Variants in DYSF observed in about 807,000 individuals in gnomAD.
DYSF encodes dystrophy-associated fer-1-like 1.
Under a neutral mutation model 274.9 loss-of-function variants are expected in DYSF, and 212 were observed. The observed-to-expected ratio is 0.77, with a 90% CI of 0.69 to 0.86. The LOEUF (loss-of-function observed/expected upper bound fraction) is 0.86. Among genes scored for constraint, DYSF ranks in the 40% least tolerant of loss-of-function variants. DYSF has a pLI of 0.00. For synonymous variants in DYSF, 1,091 were observed against 1,078.7 expected (o/e 1.01, Z -0.22); for missense variants, 2,666 against 2,783.2 (o/e 0.96, Z 0.95).
chr2:71,577,317 AAC>A (rs946886404), intron 30 of DYSF, among the ~76,000 whole-genome samples: 17 of 150,668 alleles, frequency 1.1e-4, no homozygotes, highest in South Asian at 2.1e-4. Flanking sequence ...CACACACACC[AAC>A]ACAGTCTCTC....
intron 3 of DYSF, 134 bp from the exon 4 acceptor site, chr2:71,503,080 G>A (rs2085150522): frequency 1.2e-6 from 1 of 810,312 alleles, no homozygotes; most frequent in Non-Finnish European, 2.2e-6. Flanking sequence ...GTGCAGGAGA[G>A]CCCTCGTGGG....
intron 41 of DYSF, among the ~76,000 whole-genome samples, chr2:71,634,832 C>T (rs1227715765): frequency 6.6e-6 from 1 of 152,178 alleles, no homozygotes; most frequent in Admixed American, 6.5e-5. Context: ...CATTTAGAGA[C>T]CCACTGATTT....
intron 40 of DYSF, among the ~76,000 whole-genome samples, chr2:71,616,683 A>AT (rs1329922673): frequency 6.6e-6 from 1 of 152,046 alleles, no homozygotes; most frequent in East Asian, 1.9e-4. Context: ...CGATATATTC[A>AT]TTTTTTCAGA....
chr2:71,672,191 G>GGAGACAGAAACTGGCTCGGCCGAAGGCA (rs2095136784), intron 51 of DYSF, among the ~76,000 whole-genome samples: 1 of 151,282 alleles, frequency 6.6e-6, no homozygotes, highest in Non-Finnish European at 1.5e-5. Flanking sequence ...GGCCGAAGGC[G>GGAGACAGAAACTGGCTCGGCCGAAGGCA]GAGACAGAAA....
chr2:71,541,433 C>T (rs974192905), intron 17 of DYSF, among the ~76,000 whole-genome samples: 8 of 152,024 alleles, frequency 5.3e-5, no homozygotes, highest in African/African-American at 1.9e-4. Context: ...TTGTACAGAG[C>T]AAATTTTTAT....
At chr2:71,487,802 C>G (rs1487155291) in intron 3 of DYSF, among the ~76,000 whole-genome samples, 3 of 152,268 alleles carry the variant, frequency 2.0e-5, no homozygotes, top group East Asian at 3.9e-4. Flanking sequence ...AGCCACTGTG[C>G]CTGGTCTGAT....
At chr2:71,563,556 T>A (rs2091908814) in intron 23 of DYSF, among the ~76,000 whole-genome samples, 1 of 152,184 alleles carries the variant, frequency 6.6e-6, no homozygotes, top group Non-Finnish European at 1.5e-5. Flanking sequence ...CTTCAGGCCA[T>A]GGGAGTCCTG....
rs74377763 is a variant in DYSF at position 71,660,080 on chromosome 2, C to T, written c.4912-480C>T. ...AAGCCTTCCTGATGCTAGACTAACCCTGGGCACTCTGCAGCCCCAGCTGCT... is the reference window on the plus strand; with the variant it reads ...AAGCCTTCCTGATGCTAGACTAACCTTGGGCACTCTGCAGCCCCAGCTGCT... On this transcript the variant is annotated intron_variant, in intron 44 of 55. Coordinates refer to ENST00000410020, the MANE Select transcript of DYSF (RefSeq NM_001130987.2). 8.8e-3 allele frequency among the ~76,000 whole-genome samples: 1,348 copies of T among 152,324 alleles called. 66 individuals carry two copies. Among genetic ancestry groups the T allele is most frequent in the Admixed American group, 0.076 (1,169 of 15,308 alleles).
In DYSF at chr2:71,575,696, T is replaced by A. The variant is rs140332757; in HGVS notation, c.3402+1325T>A. 2.5e-3 allele frequency among the ~76,000 whole-genome samples: 380 copies of A among 152,212 alleles called. 5 individuals carry two copies. Among genetic ancestry groups the A allele is most frequent in the East Asian group, 0.016 (82 of 5,166 alleles). On this transcript the variant is annotated intron_variant, in intron 30 of 55. Coordinates refer to ENST00000410020, the MANE Select transcript of DYSF (RefSeq NM_001130987.2). ...GGCAGGCCTCAGAGTCAGGGCCAGG[T>A]CTGAGAAGGCCAGGAAAGCACCCTG... is the stretch of plus-strand genomic sequence containing the variant.
rs182208682 is a variant in DYSF at position 71,652,293 on chromosome 2, A to G, written c.4627-3869A>G. On this transcript the variant is annotated intron_variant, in intron 42 of 55. Coordinates refer to ENST00000410020, the MANE Select transcript of DYSF (RefSeq NM_001130987.2). ...ATATCTTCTAACCATTTCAATGTCAACAAAAAGAAACGGGTCGTTCATTTT... is the reference window on the plus strand; with the variant it reads ...ATATCTTCTAACCATTTCAATGTCAGCAAAAAGAAACGGGTCGTTCATTTT... 2.6e-5 allele frequency among the ~76,000 whole-genome samples: 4 copies of G among 152,352 alleles called. No homozygotes were observed. The East Asian group carries it at 7.7e-4, about 29-fold the overall frequency.
intron 7 of DYSF, 147 bp downstream of exon 7, chr2:71,514,068 G>T: frequency 1.1e-6 from 1 of 944,282 alleles, no homozygotes; most frequent in East Asian, 2.6e-5. Context: ...GTTTCCCTGG[G>T]CCTGGGCAGA....
At chr2:71,456,127 G>T (rs2081052507) in intron 1 of DYSF, among the ~76,000 whole-genome samples, 1 of 150,974 alleles carries the variant, frequency 6.6e-6, no homozygotes, top group Non-Finnish European at 1.5e-5. Context: ...ACCCCCATCT[G>T]CTTTTTGCCT....
intron 54 of DYSF, 83 bp from the exon 55 acceptor site, chr2:71,682,447 T>G: frequency 6.3e-7 from 1 of 1,582,344 alleles, no homozygotes; most frequent in Non-Finnish European, 8.7e-7. Flanking sequence ...GGCCAGGCCA[T>G]TGGACCTGCT....
At position 71,611,427 on chromosome 2, in the gene DYSF, G is replaced by A. The variant is rs763195546; in HGVS notation, c.4060-38G>A. ...TGGCCCCAGCCTTTCCTGGGGCCCG[G>A]GGCCTTCTGAGCCACTCTCCTCATT... On this transcript the variant is annotated intron_variant, in intron 37 of 55. Coordinates refer to ENST00000410020, the MANE Select transcript of DYSF (RefSeq NM_001130987.2). The A allele has an allele frequency of 2.5e-6, 4 of 1,614,092 alleles. 1 individual carries two copies. In the Admixed American group the frequency reaches 6.7e-5, roughly 27 times the overall value.
In DYSF at chr2:71,589,199, G is replaced by T. The variant is rs369558390; in HGVS notation, c.3403-394G>T. 4.6e-5 allele frequency among the ~76,000 whole-genome samples: 7 copies of T among 152,144 alleles called. No individual in the cohort carries two copies. The South Asian group carries it at 1.4e-3, about 31-fold the overall frequency. On this transcript the variant is annotated intron_variant, in intron 30 of 55. Transcript: ENST00000410020. The stretch of plus-strand genomic sequence containing the variant: ...GATGTTAGCAGGGGGTGGCAGAGAT[G>T]GGGACCCAGAGATGCTAGCCTGGAA...
intron 3 of DYSF, among the ~76,000 whole-genome samples, chr2:71,495,280 A>G (rs1477554796): frequency 6.6e-6 from 1 of 152,038 alleles, no homozygotes; most frequent in African/African-American, 2.4e-5. Flanking sequence ...TGACTTTTAC[A>G]GATGAGGAAA....
At chr2:71,608,449 C>T (rs1162586288) in intron 36 of DYSF, among the ~76,000 whole-genome samples, 1 of 152,082 alleles carries the variant, frequency 6.6e-6, no homozygotes, top group Non-Finnish European at 1.5e-5. Context: ...GGGGACAGCA[C>T]GGTGGACAGA....
At chr2:71,520,138 C>T (rs199614558) in intron 10 of DYSF, 40 bp from the exon 11 acceptor site, 45 of 1,613,482 alleles carry the variant, frequency 2.8e-5, no homozygotes, top group Middle Eastern at 3.3e-4. Flanking sequence ...AACGCTTTGG[C>T]GGCAAGAGTT....
chr2:71,604,570 C>G (rs752992214), intron 36 of DYSF, among the ~76,000 whole-genome samples: 1 of 152,106 alleles, frequency 6.6e-6, no homozygotes, highest in Non-Finnish European at 1.5e-5. Context: ...TGTCTGGCTG[C>G]AGGAGGTGTG....
Sources: gnomAD v4.1 joint callset for allele counts (sites outside exome capture counted in the v4.1 genomes callset) on GRCh38, gnomAD v4.1.1 for gene constraint, MANE v1.5 for transcripts, NCBI Gene and HGNC (gene_info 2026-07-23, HGNC 2026-07-21) for gene names.